SHROOM2: variants seen among roughly 807,000 people sequenced by gnomAD.
SHROOM2 encodes shroom family member 2, also known as protein Shroom2.
Under a neutral mutation model 75.9 loss-of-function variants are expected in SHROOM2, and 33 were observed. The observed-to-expected ratio is 0.43, with a 90% CI of 0.33 to 0.58. SHROOM2 has a LOEUF of 0.58. Ranked by LOEUF, SHROOM2 falls within the 20% of genes least tolerant of loss-of-function variation. The pLI, the probability that SHROOM2 is intolerant of heterozygous loss-of-function variation, is 0.04. For synonymous variants in SHROOM2, 655 were observed against 663.6 expected (o/e 0.99, Z 0.20); for missense variants, 1,434 against 1,461.2 (o/e 0.98, Z 0.30).
chrX:9,918,158 C>T (rs2084508219), intron 5 of SHROOM2, among the ~76,000 whole-genome samples: 1 of 112,624 alleles, frequency 8.9e-6, no homozygotes, highest in Admixed American at 9.4e-5. Context: ...GTGTTACCTC[C>T]CTGGTTAGCA....
At chrX:9,925,638 C>T (rs1353559194) in intron 5 of SHROOM2, among the ~76,000 whole-genome samples, 2 of 112,514 alleles carry the variant, frequency 1.8e-5, no homozygotes, top group Non-Finnish European at 3.8e-5. Flanking sequence ...CACACAGTTC[C>T]GGTCCCAGAC....
intron 1 of SHROOM2, among the ~76,000 whole-genome samples, chrX:9,834,257 C>G (rs1478723746): frequency 9.1e-6 from 1 of 109,989 alleles, no homozygotes; most frequent in Non-Finnish European, 1.9e-5. Flanking sequence ...TGGGTTGAGT[C>G]CCATGCACCA....
chrX:9,938,864 T>C (rs2084741374), intron 7 of SHROOM2, among the ~76,000 whole-genome samples: 1 of 111,843 alleles, frequency 8.9e-6, no homozygotes, highest in Non-Finnish European at 1.9e-5. Flanking sequence ...GCGTCACACA[T>C]GTCCTTGTCC....
chrX:9,792,022 AAT>A (rs1399948676), intron 1 of SHROOM2, among the ~76,000 whole-genome samples: 1 of 93 alleles, frequency 0.011, no homozygotes, highest in African/African-American at 0.019. Flanking sequence ...AATAGAATAG[AAT>A]AGAATAGAAT....
At chrX:9,847,640 C>G (rs944653942) in intron 1 of SHROOM2, among the ~76,000 whole-genome samples, 4 of 111,888 alleles carry the variant, frequency 3.6e-5, no homozygotes, top group African/African-American at 1.3e-4. Context: ...CTAAGAAGTC[C>G]TAGTGTAAGC....
At chrX:9,840,034 G>GC (rs1206749741) in intron 1 of SHROOM2, among the ~76,000 whole-genome samples, 6 of 111,762 alleles carry the variant, frequency 5.4e-5, no homozygotes, top group African/African-American at 2.0e-4. Flanking sequence ...GGTGATGAAG[G>GC]GCTGTGCTGT....
In SHROOM2 at chrX:9,786,590, G is replaced by C; in HGVS notation, c.45G>C (p.Glu15Asp). 1 of 871,100 alleles carries C rather than the reference G, an allele frequency of 1.1e-6. No individual in the cohort carries two copies. The highest frequency in any genetic ancestry group is 1.4e-6 in the Non-Finnish European group (1 of 713,628). The allele number at this position is 871,100 out of a possible 1,213,427, so 71.8% of individuals were successfully genotyped here. A position where few individuals can be genotyped will look rare whatever the true frequency, so the allele number is the denominator to read the frequency against. Reference protein sequence around the residue: ...EPRARPERLAEAETRAADGGR... With the variant: ...EPRARPERLADAETRAADGGR... ...GCGCGCGGCCCGAGCGCCTGGCCGA[G>C]GCCGAGACGCGGGCGGCGGACGGCG... The change falls in exon 1 of 10, where the codon GAG becomes GAC. Residue 15 changes from glutamate to aspartate, a missense_variant. Glu to Asp is a conservative substitution (Grantham distance 45, BLOSUM62 2). Around this residue, in one of 3 missense-constraint regions of SHROOM2, gnomAD observed 1,340 missense variants for 1,338.3 expected, o/e 1.00. Coordinates refer to ENST00000380913, the MANE Select transcript of SHROOM2 (RefSeq NM_001649.4).
At chrX:9,875,237 GT>G (rs781197442) in intron 2 of SHROOM2, among the ~76,000 whole-genome samples, 1 of 108,563 alleles carries the variant, frequency 9.2e-6, no homozygotes, top group Non-Finnish European at 1.9e-5. Flanking sequence ...CAGAATGGTG[GT>G]TTCTGAGCCA....
chrX:9,928,529 A>G (rs1374386940), intron 5 of SHROOM2, among the ~76,000 whole-genome samples: 1 of 112,236 alleles, frequency 8.9e-6, no homozygotes, highest in Non-Finnish European at 1.9e-5. Context: ...ATGCATACAT[A>G]TATGCAGAGA....
chrX:9,798,092 T>A (rs1176466258), intron 1 of SHROOM2, among the ~76,000 whole-genome samples: 1 of 111,014 alleles, frequency 9.0e-6, no homozygotes, highest in Non-Finnish European at 1.9e-5. Context: ...AAAACTGGCC[T>A]CGGGAGGAAG....
intron 1 of SHROOM2, among the ~76,000 whole-genome samples, chrX:9,799,110 T>C (rs1349831391): frequency 1.8e-5 from 2 of 109,080 alleles, no homozygotes; most frequent in Non-Finnish European, 1.9e-5. Context: ...ATGCACCTCC[T>C]TGTACCCTGA....
intron 4 of SHROOM2, among the ~76,000 whole-genome samples, chrX:9,897,447 G>A (rs1253543341): frequency 1.8e-5 from 2 of 109,075 alleles, no homozygotes; most frequent in South Asian, 4.0e-4. Flanking sequence ...CAGGGTGGGT[G>A]CGGTGGTGCA....
chrX:9,935,335 T>TTATTATTATTATTATTATTATTTA (rs1160776258), intron 6 of SHROOM2, among the ~76,000 whole-genome samples: 2 of 98,653 alleles, frequency 2.0e-5, no homozygotes, highest in African/African-American at 8.0e-5. Flanking sequence ...ATTATTATTA[T>TTATTATTATTATTATTATTATTTA]TTATTATTAT....
intron 1 of SHROOM2, among the ~76,000 whole-genome samples, chrX:9,794,977 T>A (rs2083686968): frequency 1.8e-5 from 2 of 112,469 alleles, no homozygotes; most frequent in African/African-American, 6.5e-5. Context: ...GAGACAGTTC[T>A]CCCACAGCAC....
At chrX:9,875,873 TC>T (rs756129940) in intron 2 of SHROOM2, among the ~76,000 whole-genome samples, 2 of 112,770 alleles carry the variant, frequency 1.8e-5, no homozygotes, top group Non-Finnish European at 3.7e-5. Context: ...TAGATGTGAT[TC>T]TTTTTTTGAG....
chrX:9,890,775 C>T (rs2084286320), intron 2 of SHROOM2, among the ~76,000 whole-genome samples: 2 of 105,485 alleles, frequency 1.9e-5, no homozygotes, highest in African/African-American at 7.0e-5. Context: ...TTGGCACACG[C>T]GCATGTGCTG....
chrX:9,940,062 G>C (rs2147063118), intron 8 of SHROOM2, among the ~76,000 whole-genome samples: 1 of 112,436 alleles, frequency 8.9e-6, no homozygotes, highest in South Asian at 3.7e-4. Context: ...TTACAGGCGT[G>C]AGCCACTGCT....
intron 2 of SHROOM2, among the ~76,000 whole-genome samples, chrX:9,876,645 A>G (rs1309396373): frequency 8.9e-6 from 1 of 112,490 alleles, no homozygotes; most frequent in Non-Finnish European, 1.9e-5. Flanking sequence ...TTGAGACACC[A>G]ACATATTCAT....
At chrX:9,809,816 G>A (rs1229326498) in intron 1 of SHROOM2, among the ~76,000 whole-genome samples, 2 of 111,507 alleles carry the variant, frequency 1.8e-5, no homozygotes, top group Non-Finnish European at 3.8e-5. Flanking sequence ...CTACAGGCGT[G>A]CACCACGATG....
Sources: gnomAD v4.1 joint callset for allele counts (sites outside exome capture counted in the v4.1 genomes callset) on GRCh38, gnomAD v4.1.1 for gene constraint, gnomAD v4.1.1 regional missense constraint, MANE v1.5 for transcripts, NCBI Gene and HGNC (gene_info 2026-07-23, HGNC 2026-07-21) for gene names.